The following MACROD2 variants were observed in gnomAD, a reference collection of about 807,000 sequenced individuals.
MACROD2 encodes the protein ADP-ribose glycohydrolase MACROD2.
Under a neutral mutation model 70.4 loss-of-function variants are expected in MACROD2, and 36 were observed. The observed-to-expected ratio is 0.51, with a 90% CI of 0.39 to 0.68. The LOEUF is 0.68. Among genes scored for constraint, MACROD2 ranks in the 30% least tolerant of loss-of-function variants. The probability of loss-of-function intolerance (pLI) is 0.00; values close to 1 mark genes in which losing one functional copy is unlikely to be tolerated. For missense variants in MACROD2, 496 were observed against 538.4 expected (o/e 0.92, Z 0.78); for synonymous variants, 172 against 178.8 (o/e 0.96, Z 0.30).
At chr20:15,819,319 A>C (rs1855883853) in intron 8 of MACROD2, among the ~76,000 whole-genome samples, 1 of 142,574 alleles carries the variant, frequency 7.0e-6, no homozygotes, top group Admixed American at 7.3e-5. Context: ...ATATACTTAT[A>C]TATAAATATA....
rs1339141812 is a variant in MACROD2, at chr20:14,749,832, A to G, written c.418+64873A>G. On this transcript the variant is annotated intron_variant, in intron 5 of 17. Coordinates refer to ENST00000684519, the MANE Select transcript of MACROD2 (RefSeq NM_001351661.2). ...AAAGTGGTACCTTGGGGTAAATTTT[A>G]TTAGGGAAAGATTTCACTTATGTGA... Among the ~76,000 whole-genome samples, 3 of 152,152 alleles carry G rather than the reference A, an allele frequency of 2.0e-5. No homozygotes were observed. The East Asian group carries it at 5.8e-4, about 29-fold the overall frequency.
At chr20:15,415,226 T>C (rs1456568822) in intron 6 of MACROD2, among the ~76,000 whole-genome samples, 1 of 152,192 alleles carries the variant, frequency 6.6e-6, no homozygotes, top group Non-Finnish European at 1.5e-5. Flanking sequence ...AGAGATCCCA[T>C]GAAGATATGT....
rs200084568 is a variant in MACROD2, at chr20:14,131,125, C to T, written c.271+45397C>T. 4.6e-5 allele frequency among the ~76,000 whole-genome samples: 7 copies of T among 151,824 alleles called. No homozygotes were observed. The East Asian group carries it at 1.4e-3, about 29-fold the overall frequency. On this transcript the variant is annotated intron_variant, in intron 3 of 17. Transcript: ENST00000684519. ...AATTTTTTAGTAGAGACAGAGTTGC[C>T]TGGGCTATGTTGCTCAGGTTATGGA...
chr20:15,616,348 C>A (rs1007812919), intron 8 of MACROD2, among the ~76,000 whole-genome samples: 5 of 152,078 alleles, frequency 3.3e-5, no homozygotes, highest in Non-Finnish European at 5.9e-5. Flanking sequence ...AAGTGATCCA[C>A]CCGCCTCGGC....
rs373096389 is a variant in MACROD2 at position 15,555,721 on chromosome 20, C to T, written c.645+55874C>T. Among the ~76,000 whole-genome samples, 9 of 148,112 alleles carry T rather than the reference C, an allele frequency of 6.1e-5. No individual in the cohort carries two copies. In the East Asian group the frequency reaches 8.3e-4, roughly 14 times the overall value. ...CTAGGCACCTGTAGTCCCAGCTACTCGGGAGGCTGAGGCAGGAGAATTGCT... is the reference window on the plus strand; with the variant it reads ...CTAGGCACCTGTAGTCCCAGCTACTTGGGAGGCTGAGGCAGGAGAATTGCT... On this transcript the variant is annotated intron_variant, in intron 8 of 17. Transcript: ENST00000684519.
At chr20:15,371,425 T>G (rs2045492698) in intron 6 of MACROD2, among the ~76,000 whole-genome samples, 1 of 152,174 alleles carries the variant, frequency 6.6e-6, no homozygotes, top group Non-Finnish European at 1.5e-5. Flanking sequence ...CTTTACAATG[T>G]TAGATTGTAT....
chr20:15,513,875 T>C (rs1017952356), intron 8 of MACROD2, among the ~76,000 whole-genome samples: 5 of 152,206 alleles, frequency 3.3e-5, no homozygotes, highest in African/African-American at 1.2e-4. Context: ...AAAATGGTGA[T>C]CTCATAAGAT....
chr20:14,291,784 C>T (rs183777848), intron 3 of MACROD2, among the ~76,000 whole-genome samples: 1 of 151,936 alleles, frequency 6.6e-6, no homozygotes, highest in Admixed American at 6.6e-5. Context: ...TAAAGCTTGT[C>T]TCTCATATTT....
chr20:15,620,097 T>C (rs532866885), intron 8 of MACROD2, among the ~76,000 whole-genome samples: 1 of 152,120 alleles, frequency 6.6e-6, no homozygotes, highest in African/African-American at 2.4e-5. Context: ...TCCAAGCAGT[T>C]CTCCAGGACA....
rs1263402540 is a variant in MACROD2, at chr20:15,353,245, A to T, written c.541-78160A>T. Among the ~76,000 whole-genome samples the T allele has an allele frequency of 1.3e-5, 2 of 152,206 alleles. 1 individual carries two copies. Among genetic ancestry groups the T allele is most frequent in the Admixed American group, 1.3e-4 (2 of 15,278 alleles). On this transcript the variant is annotated intron_variant, in intron 6 of 17. Coordinates refer to ENST00000684519, the MANE Select transcript of MACROD2 (RefSeq NM_001351661.2). ...TTTGACAAACCTGACAAAAACAAGA[A>T]ATGGCGAAAGGATTCCCTATTTAAT...
chr20:14,300,536 C>T lies in MACROD2; in HGVS notation c.272-192943C>T, dbSNP rs528093874. On this transcript the variant is annotated intron_variant, in intron 3 of 17. Transcript: ENST00000684519. ...CTTTAGAAAATTGACAAGCTTTTCA[C>T]TCATGTCTCACTGATGTCTTCCATG... Among the ~76,000 whole-genome samples the T allele has an allele frequency of 2.0e-5, 3 of 152,300 alleles. No homozygotes were observed. In the South Asian group the frequency reaches 6.2e-4, roughly 32 times the overall value.
chr20:14,222,191 TATCAC>T (rs2081681279), intron 3 of MACROD2, among the ~76,000 whole-genome samples: 1 of 109,800 alleles, frequency 9.1e-6, no homozygotes, highest in South Asian at 2.7e-4. Flanking sequence ...TTTTTATACT[TATCAC>T]AGCACAATAT....
intron 9 of MACROD2, 46 bp from the exon 10 acceptor site, chr20:15,885,718 C>T: frequency 5.0e-6 from 7 of 1,406,456 alleles, no homozygotes; most frequent in Non-Finnish European, 6.6e-6. Context: ...CTTGTGTTTC[C>T]CACTTTCATA....
At chr20:14,772,734 A>G (rs1436122851) in intron 5 of MACROD2, among the ~76,000 whole-genome samples, 2 of 152,136 alleles carry the variant, frequency 1.3e-5, no homozygotes, top group African/African-American at 4.8e-5. Flanking sequence ...CAATACTTTT[A>G]ATGACAGTGA....
intron 4 of MACROD2, among the ~76,000 whole-genome samples, chr20:14,517,826 T>C (rs1178871973): frequency 6.6e-6 from 1 of 152,186 alleles, no homozygotes; most frequent in South Asian, 2.1e-4. Context: ...CATGATGTAT[T>C]CTATCCTTTT....
intron 4 of MACROD2, among the ~76,000 whole-genome samples, chr20:14,600,786 G>C (rs866068897): frequency 6.6e-6 from 1 of 152,100 alleles, no homozygotes; most frequent in African/African-American, 2.4e-5. Context: ...ATTTGTATTA[G>C]TGTGGCCTTC....
At chr20:15,440,787 T>C (rs6043280) in intron 7 of MACROD2, among the ~76,000 whole-genome samples, 1 of 152,106 alleles carries the variant, frequency 6.6e-6, no homozygotes, top group Non-Finnish European at 1.5e-5. Flanking sequence ...ATCACCCTAA[T>C]GGCTCTCCTC....
Position 14,455,504 on chromosome 20 carries a change from C to T in MACROD2, c.272-37975C>T, listed in dbSNP as rs141820523. Among the ~76,000 whole-genome samples, 76 of 151,934 alleles carry T rather than the reference C, an allele frequency of 5.0e-4. 2 individuals carry two copies. The highest frequency in any genetic ancestry group is 1.6e-3 in the African/African-American group (68 of 41,226). ...ATATAAAGTCTATATCTGTGCAAAG[C>T]ATTCAACCTGCCCCTGTGGTAACTG... On this transcript the variant is annotated intron_variant, in intron 3 of 17. Transcript: ENST00000684519.
At chr20:14,457,160 A>G (rs2084313493) in intron 3 of MACROD2, among the ~76,000 whole-genome samples, 1 of 151,968 alleles carries the variant, frequency 6.6e-6, no homozygotes, top group Admixed American at 6.6e-5. Context: ...TTTTCTTCCT[A>G]CTTCTAATTC....
Sources: gnomAD v4.1 joint callset for allele counts (sites outside exome capture counted in the v4.1 genomes callset) on GRCh38, gnomAD v4.1.1 for gene constraint, MANE v1.5 for transcripts, NCBI Gene and HGNC (gene_info 2026-07-23, HGNC 2026-07-21) for gene names.